Variants in ULK4 observed in about 807,000 individuals in gnomAD.
ULK4 encodes the protein inactive serine/threonine-protein kinase ULK4.
In ULK4, 133 loss-of-function variants were observed where a neutral mutation model predicts 160.6. The observed-to-expected ratio is 0.83, with a 90% confidence interval of 0.72 to 0.96. ULK4 has a LOEUF of 0.96. Ranked by LOEUF, ULK4 falls within the 40% of genes least tolerant of loss-of-function variation. ULK4 has a pLI of 0.00. For missense variants in ULK4, 1,580 were observed against 1,499.5 expected (o/e 1.05, Z -0.89); for synonymous variants, 534 against 539.8 (o/e 0.99, Z 0.15).
chr3:41,383,329 C>T (rs2081717777), intron 35 of ULK4, among the ~76,000 whole-genome samples: 1 of 152,082 alleles, frequency 6.6e-6, no homozygotes, highest in African/African-American at 2.4e-5. Flanking sequence ...GAACTCTTGA[C>T]CTAAGGTGAT....
intron 21 of ULK4, among the ~76,000 whole-genome samples, chr3:41,787,586 C>T (rs1175481988): frequency 6.6e-6 from 1 of 152,152 alleles, no homozygotes; most frequent in African/African-American, 2.4e-5. Context: ...TCCACCACCA[C>T]CCAAAATGTT....
intron 34 of ULK4, among the ~76,000 whole-genome samples, chr3:41,447,071 G>A (rs1472253372): frequency 7.1e-5 from 7 of 98,002 alleles, no homozygotes; most frequent in South Asian, 4.1e-4. Context: ...GTGACAGAGC[G>A]AGACTCTGTC....
chr3:41,424,249 T>C (rs143475403), intron 34 of ULK4, among the ~76,000 whole-genome samples: 5 of 152,260 alleles, frequency 3.3e-5, no homozygotes, highest in Non-Finnish European at 7.4e-5. Flanking sequence ...AGGCAGGGGT[T>C]TGGGGACAAA....
chr3:41,428,482 G>A (rs540619653), intron 34 of ULK4, among the ~76,000 whole-genome samples: 9 of 152,106 alleles, frequency 5.9e-5, no homozygotes, highest in African/African-American at 2.2e-4. Context: ...AGCAAAAGGA[G>A]TAAAGCTGGA....
chr3:41,457,153 C>T (rs1409895421), intron 33 of ULK4, among the ~76,000 whole-genome samples: 1 of 152,170 alleles, frequency 6.6e-6, no homozygotes, highest in African/African-American at 2.4e-5. Flanking sequence ...TTCCACATTA[C>T]CACATTATCC....
chr3:41,479,004 T>C (rs2084227902), intron 32 of ULK4, among the ~76,000 whole-genome samples: 1 of 152,230 alleles, frequency 6.6e-6, no homozygotes, highest in African/African-American at 2.4e-5. Context: ...AGAGTGGAGA[T>C]GCAGAGAAGA....
intron 35 of ULK4, among the ~76,000 whole-genome samples, chr3:41,319,639 T>C (rs1190431849): frequency 6.6e-6 from 1 of 152,214 alleles, no homozygotes; most frequent in Non-Finnish European, 1.5e-5. Context: ...ACCATATTCA[T>C]TTTTTAAACA....
intron 30 of ULK4, among the ~76,000 whole-genome samples, chr3:41,646,728 GA>G (rs1393701147): frequency 6.6e-6 from 1 of 152,124 alleles, no homozygotes; most frequent in African/African-American, 2.4e-5. Context: ...TCCTGAATCT[GA>G]ATGTTGGCCT....
At chr3:41,501,028 G>A (rs574247985) in intron 32 of ULK4, among the ~76,000 whole-genome samples, 7 of 152,232 alleles carry the variant, frequency 4.6e-5, no homozygotes, top group Admixed American at 1.3e-4. Context: ...ACCTCAGGGC[G>A]ATACAAATTA....
At chr3:41,297,107 G>A (rs2079684126) in intron 35 of ULK4, among the ~76,000 whole-genome samples, 1 of 152,186 alleles carries the variant, frequency 6.6e-6, no homozygotes, top group African/African-American at 2.4e-5. Context: ...CTGGGAATGT[G>A]CTCTCTTTGC....
intron 31 of ULK4, among the ~76,000 whole-genome samples, chr3:41,574,237 C>T (rs1421682176): frequency 6.6e-6 from 1 of 152,142 alleles, no homozygotes; most frequent in Admixed American, 6.5e-5. Context: ...GAGTTCATCT[C>T]CCTTTGCCTT....
intron 2 of ULK4, among the ~76,000 whole-genome samples, chr3:41,953,037 GAGA>G (rs1296246696): frequency 6.6e-6 from 1 of 151,712 alleles, no homozygotes; most frequent in Non-Finnish European, 1.5e-5. Flanking sequence ...CCAAAAGCTG[GAGA>G]AGGAGAAATG....
At chr3:41,960,440 G>C (rs573856122) in intron 1 of ULK4, among the ~76,000 whole-genome samples, 7 of 150,970 alleles carry the variant, frequency 4.6e-5, no homozygotes, top group Admixed American at 2.0e-4. Context: ...TAGGCTCACT[G>C]CAACCTCCAC....
chr3:41,870,046 T>C (rs1384506668), intron 17 of ULK4, among the ~76,000 whole-genome samples: 4 of 152,344 alleles, frequency 2.6e-5, no homozygotes, highest in Admixed American at 2.6e-4. Context: ...ATGGCATCTA[T>C]GGTTTCCAAG....
intron 22 of ULK4, among the ~76,000 whole-genome samples, chr3:41,719,972 G>A (rs2037394555): frequency 6.6e-6 from 1 of 152,018 alleles, no homozygotes; most frequent in African/African-American, 2.4e-5. Context: ...ACAAGCTACT[G>A]CCTCTGCCTA....
At chr3:41,466,471 G>C (rs2083837678) in intron 32 of ULK4, among the ~76,000 whole-genome samples, 1 of 152,176 alleles carries the variant, frequency 6.6e-6, no homozygotes, top group Admixed American at 6.5e-5. Context: ...GGGGGGAAAA[G>C]AGAGATCCTT....
chr3:41,639,447 G>T (rs763692934), intron 30 of ULK4, among the ~76,000 whole-genome samples: 3 of 152,164 alleles, frequency 2.0e-5, no homozygotes, highest in Non-Finnish European at 2.9e-5. Flanking sequence ...CAAATGGCTG[G>T]GTGTGGTGGC....
chr3:41,630,967 G>A (rs2033715475), intron 30 of ULK4, among the ~76,000 whole-genome samples: 1 of 152,256 alleles, frequency 6.6e-6, no homozygotes, highest in South Asian at 2.1e-4. Context: ...CAGTCTAGTG[G>A]ACCAAGGACA....
chr3:41,613,659 C>A (rs141263545), intron 31 of ULK4, among the ~76,000 whole-genome samples: 10 of 152,172 alleles, frequency 6.6e-5, no homozygotes, highest in African/African-American at 2.4e-4. Context: ...TATTTCTACA[C>A]AGAAAAAAGT....
Sources: allele counts gnomAD v4.1 joint callset (sites outside exome capture counted in the v4.1 genomes callset), GRCh38; gene constraint gnomAD v4.1.1; transcripts MANE v1.5; gene names NCBI Gene and HGNC (gene_info 2026-07-23, HGNC 2026-07-21).